Variants in CD44 observed in about 807,000 individuals in gnomAD.
CD44 encodes CD44 antigen.
A neutral mutation model predicts 88.8 loss-of-function variants in CD44; 49 were observed. The ratio of observed to expected loss-of-function variants is 0.55; its 90% CI spans 0.44 to 0.70. The LOEUF (loss-of-function observed/expected upper bound fraction) is 0.70. Ranked by LOEUF, CD44 falls within the 30% of genes least tolerant of loss-of-function variation. The probability of loss-of-function intolerance (pLI) is 0.00; values close to 1 mark genes in which losing one functional copy is unlikely to be tolerated. For synonymous variants in CD44, 325 were observed against 312.3 expected, an observed-to-expected ratio of 1.04 and a Z score of -0.43; for missense variants, 883 against 913.8, an observed-to-expected ratio of 0.97 and a Z score of 0.43.
chr11:35,195,938 G>A (rs1377349422), intron 5 of CD44, among the ~76,000 whole-genome samples: 2 of 152,134 alleles, frequency 1.3e-5, no homozygotes, highest in African/African-American at 2.4e-5. Flanking sequence ...AAAGTGTAGA[G>A]GCATATTTTT....
intron 1 of CD44, among the ~76,000 whole-genome samples, chr11:35,169,875 C>T (rs1481904099): frequency 1.3e-5 from 2 of 152,124 alleles, no homozygotes; most frequent in Non-Finnish European, 1.5e-5. Flanking sequence ...GAATAGGAGG[C>T]AACATAGCAT....
At chr11:35,182,730 T>A (rs1490996104) in intron 3 of CD44, among the ~76,000 whole-genome samples, 1 of 152,178 alleles carries the variant, frequency 6.6e-6, no homozygotes. Flanking sequence ...GGTTGACTCA[T>A]TGGGAAAGGG....
Position 35,229,339 on chromosome 11 carries a change from A to T in CD44, c.*6A>T, listed in dbSNP as rs193274645. On this transcript the variant is annotated 3_prime_UTR_variant, in exon 18 of 18. Transcript: ENST00000428726. ...ACATGAAGATTGGGGTGTAACACCT[A>T]CACCATTATCTTGGAAAGAAACAAC... 2.5e-6 allele frequency: 4 copies of T among 1,579,668 alleles called. No homozygotes were observed. The highest frequency in any genetic ancestry group is 3.5e-6 in the Non-Finnish European group (4 of 1,149,482).
intron 7 of CD44, among the ~76,000 whole-genome samples, chr11:35,199,836 T>A (rs1240830409): frequency 1.3e-5 from 2 of 151,658 alleles, no homozygotes; most frequent in African/African-American, 2.4e-5. Flanking sequence ...GTGGTCTTGA[T>A]ACTGAAGAAA....
intron 1 of CD44, among the ~76,000 whole-genome samples, chr11:35,170,286 C>A (rs993669949): frequency 2.0e-5 from 3 of 152,126 alleles, no homozygotes; most frequent in Admixed American, 6.5e-5. Flanking sequence ...GAACTACTGA[C>A]CTTCATAAAA....
At chr11:35,219,466 A>C in intron 16 of CD44, 79 bp downstream of exon 16, 6 of 981,650 alleles carry the variant, frequency 6.1e-6, no homozygotes, top group Non-Finnish European at 9.6e-6. Context: ...GAAGAGACTC[A>C]TTTGAAAGCA....
At chr11:35,165,924 C>T (rs564198849) in intron 1 of CD44, among the ~76,000 whole-genome samples, 19 of 152,190 alleles carry the variant, frequency 1.2e-4, no homozygotes, top group South Asian at 2.1e-4. Context: ...TCAACTGTTA[C>T]GAAAGTCTTC....
At chr11:35,197,985 G>C in intron 6 of CD44, 136 bp from the exon 7 acceptor site, 1 of 739,326 alleles carries the variant, frequency 1.4e-6, no homozygotes, top group Non-Finnish European at 2.2e-6. Context: ...TAAGAATTTG[G>C]GGTATGCAAG....
At chr11:35,201,594 G>A (rs1565122460) in intron 8 of CD44, 77 bp from the exon 9 acceptor site, 1 of 1,557,388 alleles carries the variant, frequency 6.4e-7, no homozygotes, top group Non-Finnish European at 8.8e-7. Context: ...TAAATAGCAT[G>A]CACTTTAATG....
In CD44 at chr11:35,168,121, G is replaced by T. The variant is rs553948400; in HGVS notation, c.68-8454G>T. 2.0e-5 allele frequency among the ~76,000 whole-genome samples: 3 copies of T among 152,302 alleles called. No individual in the cohort carries two copies. In the East Asian group the frequency reaches 5.8e-4, roughly 29 times the overall value. On this transcript the variant is annotated intron_variant, in intron 1 of 17. Coordinates refer to ENST00000428726, the MANE Select transcript of CD44 (RefSeq NM_000610.4). The stretch of plus-strand genomic sequence containing the variant: ...GTAAAGGCCCCTATCTTGTGGTCCA[G>T]AATCAAGGGACTTCTGATCTTAAAA...
chr11:35,211,482 T>C, intron 14 of CD44, 33 bp downstream of exon 14: 1 of 1,505,846 alleles, frequency 6.6e-7, no homozygotes, highest in Non-Finnish European at 9.2e-7. Context: ...GTTTGCTTTC[T>C]CTATATAGAG....
chr11:35,193,947 C>T (rs986949462), intron 5 of CD44, among the ~76,000 whole-genome samples: 9 of 152,116 alleles, frequency 5.9e-5, no homozygotes, highest in Admixed American at 3.3e-4. Context: ...TGCGTGTGGG[C>T]GGAGCTTTGA....
At chr11:35,156,051 C>CAAT (rs1941822770) in intron 1 of CD44, among the ~76,000 whole-genome samples, 3 of 152,178 alleles carry the variant, frequency 2.0e-5, no homozygotes, top group African/African-American at 7.2e-5. Context: ...GAGCTGATGT[C>CAAT]CATGTCACCA....
At chr11:35,186,473 T>C (rs1480309437) in intron 3 of CD44, among the ~76,000 whole-genome samples, 1 of 152,202 alleles carries the variant, frequency 6.6e-6, no homozygotes, top group Non-Finnish European at 1.5e-5. Flanking sequence ...AATCACAAAT[T>C]TTAAAAATCC....
At chr11:35,158,033 T>C (rs1942133675) in intron 1 of CD44, among the ~76,000 whole-genome samples, 1 of 152,204 alleles carries the variant, frequency 6.6e-6, no homozygotes, top group East Asian at 1.9e-4. Flanking sequence ...ATTATCTGTT[T>C]GAGCTTCCTG....
chr11:35,170,637 G>C (rs574616981), intron 1 of CD44, among the ~76,000 whole-genome samples: 2 of 152,324 alleles, frequency 1.3e-5, no homozygotes, highest in East Asian at 1.9e-4. Context: ...ATTTATTGGA[G>C]ACCAGAGGGC....
chr11:35,184,493 G>A (rs556979761), intron 3 of CD44, among the ~76,000 whole-genome samples: 1 of 152,126 alleles, frequency 6.6e-6, no homozygotes, highest in Non-Finnish European at 1.5e-5. Flanking sequence ...CATCTCATAG[G>A]TTGCGTCAGT....
In CD44 at chr11:35,176,717, G is replaced by A; in HGVS notation, c.210G>A (p.Leu70=). ...CAATGGCCCAGATGGAGAAAGCTCT[G>A]AGCATCGGATTTGAGACCTGCAGGT... ...LPTMAQMEKA[L]SIGFETCRYG... Residue 70 remains leucine (L), a synonymous_variant, in exon 2 of 18, where the codon CTG becomes CTA. Transcript: ENST00000428726. The A allele has an allele frequency of 1.2e-6, 2 of 1,614,110 alleles. No homozygotes were observed. Among genetic ancestry groups the A allele is most frequent in the Non-Finnish European group, 1.7e-6 (2 of 1,179,982 alleles).
At chr11:35,160,122 T>C (rs1027096305) in intron 1 of CD44, among the ~76,000 whole-genome samples, 25 of 152,162 alleles carry the variant, frequency 1.6e-4, no homozygotes, top group African/African-American at 4.3e-4. Context: ...CATTTTTCAG[T>C]TGGGGGCCAC....
Sources: gnomAD v4.1 joint callset for allele counts (sites outside exome capture counted in the v4.1 genomes callset) on GRCh38, gnomAD v4.1.1 for gene constraint, MANE v1.5 for transcripts, NCBI Gene and HGNC (gene_info 2026-07-23, HGNC 2026-07-21) for gene names.